GLI3: variants seen among roughly 807,000 people sequenced by gnomAD.
GLI3 encodes GLI family zinc finger 3, also known as transcription activator GLI3.
A neutral mutation model predicts 100.8 loss-of-function variants in GLI3; 20 were observed. The observed-to-expected ratio is 0.20, with a 90% CI of 0.14 to 0.29. GLI3 has a LOEUF of 0.29. Among genes scored for constraint, GLI3 ranks in the 10% least tolerant of loss-of-function variants. GLI3 has a pLI of 1.00. For missense variants in GLI3, 2,040 were observed against 2,128.5 expected, an observed-to-expected ratio of 0.96 and a Z score of 0.82; for synonymous variants, 938 against 860.5, an observed-to-expected ratio of 1.09 and a Z score of -1.58.
chr7:42,015,737 G>GCA (rs145138485), intron 10 of GLI3, among the ~76,000 whole-genome samples: 46 of 150,866 alleles, frequency 3.0e-4, no homozygotes, highest in Middle Eastern at 3.4e-3. Flanking sequence ...GTTTACACAC[G>GCA]CACACACACA....
rs147137599 is a variant in GLI3 at position 42,139,027 on chromosome 7, G to A, written c.367+9199C>T. ...TCTTTGTTCTCATGCTCCCCTGGTGGTGTTAGCTACTAAATTTCCCAGCTG... is the reference window on the plus strand; with the variant it reads ...TCTTTGTTCTCATGCTCCCCTGGTGATGTTAGCTACTAAATTTCCCAGCTG... On this transcript the variant is annotated intron_variant, in intron 3 of 14. Transcript: ENST00000395925. Among the ~76,000 whole-genome samples, 697 of 152,314 alleles carry A rather than the reference G, an allele frequency of 4.6e-3. 5 individuals are homozygous for A. Among genetic ancestry groups the A allele is most frequent in the African/African-American group, 0.016 (656 of 41,570 alleles).
intron 3 of GLI3, among the ~76,000 whole-genome samples, chr7:42,138,195 A>C (rs959215940): frequency 6.6e-6 from 1 of 152,174 alleles, no homozygotes; most frequent in Non-Finnish European, 1.5e-5. Context: ...AATATCATGC[A>C]TCATGTACTT....
At chr7:41,967,045 G>A (rs1316194831) in intron 14 of GLI3, among the ~76,000 whole-genome samples, 1 of 152,232 alleles carries the variant, frequency 6.6e-6, no homozygotes, top group East Asian at 1.9e-4. Flanking sequence ...CCCAGGCAAA[G>A]GTACTCCACG....
At chr7:42,225,293 T>C (rs896285720) in intron 1 of GLI3, among the ~76,000 whole-genome samples, 18 of 152,174 alleles carry the variant, frequency 1.2e-4, no homozygotes, top group African/African-American at 4.3e-4. Context: ...GGAACCTCAA[T>C]GTTAGCAAGC....
intron 2 of GLI3, among the ~76,000 whole-genome samples, chr7:42,186,964 C>T (rs936770928): frequency 1.3e-4 from 20 of 151,194 alleles, no homozygotes; most frequent in Non-Finnish European, 2.8e-4. Flanking sequence ...AATCCCAGCA[C>T]ATTGGAAGAC....
At chr7:42,076,688 T>C in intron 4 of GLI3, 64 bp downstream of exon 4, 1 of 1,019,252 alleles carries the variant, frequency 9.8e-7, no homozygotes, top group Non-Finnish European at 1.6e-6. Context: ...TAACAAAAAG[T>C]CCTGAGATGG....
In GLI3 at chr7:42,263,856, C is replaced by T. The variant is rs554947629; in HGVS notation, c.-43+138G>A. Among the ~76,000 whole-genome samples the T allele has an allele frequency of 8.5e-5, 13 of 152,190 alleles. No homozygotes were observed. The South Asian group carries it at 2.5e-3, about 29-fold the overall frequency. On this transcript the variant is annotated intron_variant, in intron 1 of 2. Transcript: ENST00000678978. ...TCCCATATATCAGGATATTTTTCTG[C>T]TATGAAACATACAACAACAACAACA...
chr7:41,997,502 C>T (rs1327558407), intron 10 of GLI3, among the ~76,000 whole-genome samples: 1 of 152,148 alleles, frequency 6.6e-6, no homozygotes, highest in African/African-American at 2.4e-5. Flanking sequence ...TCCACTATTG[C>T]TCTTTGCGGT....
At chr7:42,180,201 G>A (rs1787565663) in intron 2 of GLI3, among the ~76,000 whole-genome samples, 1 of 152,098 alleles carries the variant, frequency 6.6e-6, no homozygotes, top group Non-Finnish European at 1.5e-5. Flanking sequence ...ACTGTGCCAG[G>A]TGGAGCAGGG....
intron 3 of GLI3, among the ~76,000 whole-genome samples, chr7:42,104,953 A>G (rs1420197698): frequency 2.0e-5 from 3 of 152,244 alleles, no homozygotes; most frequent in Non-Finnish European, 4.4e-5. Flanking sequence ...TCTACTGTTT[A>G]TAGGCCACTC....
chr7:42,205,764 T>G (rs1788135834), intron 2 of GLI3, among the ~76,000 whole-genome samples: 1 of 152,228 alleles, frequency 6.6e-6, no homozygotes, highest in South Asian at 2.1e-4. Flanking sequence ...CCTACGTATT[T>G]TCTTATAAGT....
intron 1 of GLI3, among the ~76,000 whole-genome samples, chr7:42,235,801 G>A (rs927215666): frequency 6.6e-6 from 1 of 152,230 alleles, no homozygotes; most frequent in East Asian, 1.9e-4. Flanking sequence ...ATTTCAAACT[G>A]AAGTGGCAGC....
intron 1 of GLI3, among the ~76,000 whole-genome samples, chr7:42,246,554 ATGAC>A (rs1350584291): frequency 4.6e-5 from 7 of 152,204 alleles, no homozygotes; most frequent in Non-Finnish European, 8.8e-5. Context: ...GAGGGCAAGA[ATGAC>A]TGGCCATATC....
At chr7:42,044,559 A>T (rs1483217245) in intron 6 of GLI3, among the ~76,000 whole-genome samples, 1 of 152,224 alleles carries the variant, frequency 6.6e-6, no homozygotes, top group Admixed American at 6.5e-5. Context: ...CTAGGTACTA[A>T]AAGTAGTCCC....
At chr7:42,230,477 C>T (rs1381417659) in intron 1 of GLI3, among the ~76,000 whole-genome samples, 5 of 152,242 alleles carry the variant, frequency 3.3e-5, no homozygotes, top group Admixed American at 6.5e-5. Context: ...TAAATTAACA[C>T]TATCTAAACT....
At chr7:42,123,897 A>T (rs1786061864) in intron 3 of GLI3, among the ~76,000 whole-genome samples, 1 of 152,186 alleles carries the variant, frequency 6.6e-6, no homozygotes, top group African/African-American at 2.4e-5. Context: ...AGGAATTCTG[A>T]TTCAGGAGTC....
At chr7:42,017,163 A>G (rs886261431) in intron 10 of GLI3, among the ~76,000 whole-genome samples, 3 of 152,208 alleles carry the variant, frequency 2.0e-5, no homozygotes, top group Admixed American at 2.0e-4. Context: ...ATAGGCAAGC[A>G]TATTCAAATG....
At chr7:42,143,430 C>A (rs1464545959) in intron 3 of GLI3, among the ~76,000 whole-genome samples, 3 of 152,168 alleles carry the variant, frequency 2.0e-5, no homozygotes, top group African/African-American at 7.2e-5. Context: ...CAAGATGACA[C>A]TTGGATAGTA....
intron 2 of GLI3, among the ~76,000 whole-genome samples, chr7:42,195,460 C>T (rs2128690298): frequency 6.6e-6 from 1 of 152,270 alleles, no homozygotes; most frequent in East Asian, 1.9e-4. Context: ...GGAACATAAC[C>T]TCCCTTTGTA....
Sources: gnomAD v4.1 joint callset for allele counts (sites outside exome capture counted in the v4.1 genomes callset) on GRCh38, gnomAD v4.1.1 for gene constraint, MANE v1.5 for transcripts, NCBI Gene and HGNC (gene_info 2026-07-23, HGNC 2026-07-21) for gene names.